LASP1: variants seen among roughly 807,000 people sequenced by gnomAD.
The protein encoded by LASP1 is LIM and SH3 protein 1, also known as LIM and SH3 domain protein 1.
Under a neutral mutation model 38.6 loss-of-function variants are expected in LASP1, and 10 were observed. The ratio of observed to expected loss-of-function variants is 0.26; its 90% CI spans 0.16 to 0.44. LASP1 has a LOEUF of 0.44. Among genes scored for constraint, LASP1 ranks in the 20% least tolerant of loss-of-function variants. LASP1 has a pLI of 1.00. For missense variants in LASP1, 243 were observed against 375.7 expected (o/e 0.65, Z 2.92); for synonymous variants, 132 against 140.8 (o/e 0.94, Z 0.44).
rs1280405349 is a variant in LASP1 at position 38,898,464 on chromosome 17, T to A, written c.302T>A (p.Val101Glu). The change falls in exon 4 of 7, where the codon GTG becomes GAG. Residue 101 changes from valine (V) to glutamate (E), a missense_variant. Val to Glu is a moderately radical substitution (Grantham distance 121). Coordinates refer to ENST00000318008, the MANE Select transcript of LASP1 (RefSeq NM_006148.4). ...AACAAGGGCAAAGGTTTCAGCGTAG[T>A]GGCAGACACGCCCGAGCTCCAGAGA... ...EKNKGKGFSVVADTPELQRIK... is the reference protein window; with the variant it reads ...EKNKGKGFSVEADTPELQRIK... 6.4e-7 allele frequency: 1 copy of A among 1,551,644 alleles called. No individual in the cohort carries two copies. The highest frequency in any genetic ancestry group is 2.4e-5 in the East Asian group (1 of 40,916).
At chr17:38,909,304 C>A (rs1283591933) in intron 4 of LASP1, among the ~76,000 whole-genome samples, 2 of 152,166 alleles carry the variant, frequency 1.3e-5, no homozygotes, top group Non-Finnish European at 2.9e-5. Flanking sequence ...CCACCAGTTT[C>A]CTCTCTGGAA....
chr17:38,880,777 C>T (rs17590228), intron 2 of LASP1, among the ~76,000 whole-genome samples: 24 of 152,248 alleles, frequency 1.6e-4, no homozygotes, highest in African/African-American at 4.3e-4. Context: ...GCTCTCTGGA[C>T]GTGTCTGAGC....
At chr17:38,900,451 GA>G (rs2143794788) in intron 4 of LASP1, among the ~76,000 whole-genome samples, 1 of 151,602 alleles carries the variant, frequency 6.6e-6, no homozygotes, top group South Asian at 2.1e-4. Flanking sequence ...GAGGTGGGCG[GA>G]TCATGAGGTC....
intron 2 of LASP1, among the ~76,000 whole-genome samples, chr17:38,883,508 A>G (rs2143748558): frequency 6.6e-6 from 1 of 152,304 alleles, no homozygotes; most frequent in South Asian, 2.1e-4. Context: ...TAGGGATGAC[A>G]GTGTGGGGGA....
intron 3 of LASP1, among the ~76,000 whole-genome samples, chr17:38,897,489 A>G (rs1914521031): frequency 6.6e-6 from 1 of 152,210 alleles, no homozygotes; most frequent in African/African-American, 2.4e-5. Context: ...GAAGCCAAGG[A>G]ATAGTTTCCT....
rs770292660 is a variant in LASP1 at position 38,898,477 on chromosome 17, C to T, written c.315C>T (p.Pro105=). 38 of 1,551,568 alleles carry T rather than the reference C, an allele frequency of 2.4e-5. No homozygotes were observed. Among genetic ancestry groups the T allele is most frequent in the South Asian group, 1.1e-4 (9 of 84,056 alleles). Reference sequence around the variant, plus strand: ...GTTTCAGCGTAGTGGCAGACACGCCCGAGCTCCAGAGAATCAAGAAGACCC... The same window carrying T: ...GTTTCAGCGTAGTGGCAGACACGCCTGAGCTCCAGAGAATCAAGAAGACCC... ...GKGFSVVADT[P]ELQRIKKTQD... Residue 105 remains proline, a synonymous_variant, in exon 4 of 7, where the codon CCC becomes CCT. Coordinates refer to ENST00000318008, the MANE Select transcript of LASP1 (RefSeq NM_006148.4).
intron 3 of LASP1, among the ~76,000 whole-genome samples, chr17:38,894,269 G>A (rs2143778542): frequency 6.6e-6 from 1 of 152,306 alleles, no homozygotes; most frequent in South Asian, 2.1e-4. Context: ...AGTGCCAAGT[G>A]CCAGTAGACT....
chr17:38,881,933 C>T (rs899271614), intron 2 of LASP1, among the ~76,000 whole-genome samples: 2 of 152,206 alleles, frequency 1.3e-5, no homozygotes, highest in African/African-American at 4.8e-5. Context: ...GTGAAAAGGC[C>T]TCTTCTGTTT....
intron 2 of LASP1, among the ~76,000 whole-genome samples, chr17:38,881,562 G>A (rs1302565573): frequency 6.6e-6 from 1 of 152,188 alleles, no homozygotes; most frequent in African/African-American, 2.4e-5. Context: ...TGACATTCAG[G>A]TTCCTGAATC....
chr17:38,883,154 T>G (rs1007979424), intron 2 of LASP1, among the ~76,000 whole-genome samples: 1 of 151,978 alleles, frequency 6.6e-6, no homozygotes, highest in Non-Finnish European at 1.5e-5. Flanking sequence ...TCCCAGCACT[T>G]TGGGAGACTG....
At chr17:38,901,847 C>T (rs1429364938) in intron 4 of LASP1, among the ~76,000 whole-genome samples, 1 of 152,022 alleles carries the variant, frequency 6.6e-6, no homozygotes, top group Non-Finnish European at 1.5e-5. Flanking sequence ...CTCACTGCAA[C>T]CTCCGCCTCC....
chr17:38,881,661 C>T (rs549638652), intron 2 of LASP1, among the ~76,000 whole-genome samples: 58 of 152,306 alleles, frequency 3.8e-4, no homozygotes, highest in African/African-American at 1.3e-3. Flanking sequence ...TGAAGCATCA[C>T]GTGCTCCATG....
At position 38,878,140 on chromosome 17, in the gene LASP1, A is replaced by G; in HGVS notation, c.124A>G (p.Lys42Glu). 1 of 1,613,874 alleles carries G rather than the reference A, an allele frequency of 6.2e-7. No homozygotes were observed. The highest frequency in any genetic ancestry group is 8.5e-7 in the Non-Finnish European group (1 of 1,179,900). ...CETCKMTLNM[K>E]NYKGYEKKPY... is the part of the protein sequence containing the mutation. The stretch of plus-strand genomic sequence containing the variant: ...GACCTGCAAGATGACACTGAACATG[A>G]AGAACTACAAGGGCTACGAGAAGAA... Residue 42 changes from lysine to glutamate, a missense_variant, in exon 2 of 7, where the codon AAG (lysine) becomes GAG (glutamate). Coordinates refer to ENST00000318008, the MANE Select transcript of LASP1 (RefSeq NM_006148.4).
chr17:38,901,519 A>G (rs897797283), intron 4 of LASP1, among the ~76,000 whole-genome samples: 1 of 152,228 alleles, frequency 6.6e-6, no homozygotes, highest in African/African-American at 2.4e-5. Flanking sequence ...GCCTCCAGAC[A>G]GCTGTAGCAC....
chr17:38,915,203 T>C (rs1305475594), intron 6 of LASP1, 57 bp downstream of exon 6: 3 of 1,385,930 alleles, frequency 2.2e-6, no homozygotes, highest in Non-Finnish European at 3.1e-6. Flanking sequence ...TCGGGAAGGC[T>C]TGGACACAGC....
intron 1 of LASP1, among the ~76,000 whole-genome samples, chr17:38,876,402 C>G (rs910592725): frequency 6.6e-6 from 1 of 151,882 alleles, no homozygotes; most frequent in African/African-American, 2.4e-5. Flanking sequence ...GCTCTATACC[C>G]CAGGCTGGAG....
At chr17:38,885,733 C>T (rs1260858521) in intron 2 of LASP1, among the ~76,000 whole-genome samples, 2 of 152,192 alleles carry the variant, frequency 1.3e-5, no homozygotes, top group East Asian at 3.9e-4. Flanking sequence ...CCTGGTCTGT[C>T]TTAGCACCCA....
chr17:38,901,215 C>T (rs927857654), intron 4 of LASP1, among the ~76,000 whole-genome samples: 6 of 152,230 alleles, frequency 3.9e-5, no homozygotes, highest in Admixed American at 1.3e-4. Flanking sequence ...TTCCAGAACA[C>T]TCCACACTCA....
chr17:38,892,543 T>A (rs567531059), intron 3 of LASP1, among the ~76,000 whole-genome samples: 6 of 140,884 alleles, frequency 4.3e-5, no homozygotes, highest in Non-Finnish European at 9.1e-5. Flanking sequence ...AGATAGCAGG[T>A]CTTTGGAGAC....
Sources: gnomAD v4.1 joint callset for allele counts (sites outside exome capture counted in the v4.1 genomes callset) on GRCh38, gnomAD v4.1.1 for gene constraint, MANE v1.5 for transcripts, NCBI Gene and HGNC (gene_info 2026-07-23, HGNC 2026-07-21) for gene names.